Variants in TMEM117 observed in about 807,000 individuals in gnomAD.
TMEM117 encodes the protein transmembrane protein 117.
A neutral mutation model predicts 52.4 loss-of-function variants in TMEM117; 27 were observed. The observed-to-expected ratio is 0.51, with a 90% CI of 0.38 to 0.71. The LOEUF (loss-of-function observed/expected upper bound fraction) is 0.71. TMEM117 is among the 30% of genes least tolerant of loss of function. TMEM117 has a pLI of 0.00. For missense variants in TMEM117, 556 were observed against 630.5 expected, an observed-to-expected ratio of 0.88 and a Z score of 1.26; for synonymous variants, 215 against 206.3, an observed-to-expected ratio of 1.04 and a Z score of -0.36.
At chr12:43,951,409 C>G (rs1945219446) in intron 3 of TMEM117, among the ~76,000 whole-genome samples, 1 of 152,204 alleles carries the variant, frequency 6.6e-6, no homozygotes, top group East Asian at 1.9e-4. Flanking sequence ...ATCCCCATTA[C>G]CAGCACAGCA....
chr12:44,130,437 T>A (rs1201225976), intron 3 of TMEM117, among the ~76,000 whole-genome samples: 2 of 152,192 alleles, frequency 1.3e-5, no homozygotes, highest in East Asian at 3.8e-4. Flanking sequence ...CTAAATAGTT[T>A]TACCACTTAT....
At chr12:43,951,979 G>A (rs1004231979) in intron 3 of TMEM117, among the ~76,000 whole-genome samples, 7 of 152,304 alleles carry the variant, frequency 4.6e-5, no homozygotes, top group Admixed American at 1.3e-4. Context: ...GCCTCCACTG[G>A]TGATAACCCA....
At chr12:43,996,935 G>C (rs577549932) in intron 3 of TMEM117, among the ~76,000 whole-genome samples, 1 of 152,172 alleles carries the variant, frequency 6.6e-6, no homozygotes, top group Non-Finnish European at 1.5e-5. Context: ...AGGAAATTAA[G>C]TTGACAATAT....
intron 3 of TMEM117, among the ~76,000 whole-genome samples, chr12:43,950,959 C>G (rs1350638818): frequency 6.6e-6 from 1 of 152,120 alleles, no homozygotes; most frequent in African/African-American, 2.4e-5. Flanking sequence ...CCAGTTCATC[C>G]TACTGGGACT....
intron 3 of TMEM117, among the ~76,000 whole-genome samples, chr12:44,132,694 C>T (rs1948433777): frequency 6.6e-6 from 1 of 152,114 alleles, no homozygotes; most frequent in Non-Finnish European, 1.5e-5. Flanking sequence ...CATTTCTTCT[C>T]CTACTCTGCA....
At chr12:43,957,471 G>C (rs999124606) in intron 3 of TMEM117, among the ~76,000 whole-genome samples, 3 of 152,172 alleles carry the variant, frequency 2.0e-5, no homozygotes, top group Admixed American at 2.0e-4. Context: ...GAGAAAATGA[G>C]ACATCAATAG....
At chr12:44,251,003 A>G (rs1950190871) in intron 5 of TMEM117, among the ~76,000 whole-genome samples, 1 of 152,166 alleles carries the variant, frequency 6.6e-6, no homozygotes, top group Non-Finnish European at 1.5e-5. Context: ...TTAAAGTAAA[A>G]TAAAATAAAA....
chr12:43,801,572 T>C, the TMEM117 span, among the ~76,000 whole-genome samples: 8 of 152,224 alleles, frequency 5.3e-5, no homozygotes, highest in African/African-American at 1.9e-4. Context: ...AATACTTGTT[T>C]GTATGCAGGC....
intron 2 of TMEM117, among the ~76,000 whole-genome samples, chr12:43,932,381 C>G (rs1343692273): frequency 1.4e-5 from 2 of 147,196 alleles, no homozygotes; most frequent in Non-Finnish European, 3.0e-5. Context: ...TGTTTGAACA[C>G]CTTTCAAATA....
chr12:44,182,534 G>A (rs1004156783), intron 4 of TMEM117, among the ~76,000 whole-genome samples: 3 of 152,084 alleles, frequency 2.0e-5, no homozygotes, highest in African/African-American at 4.8e-5. Flanking sequence ...AATAAATTAG[G>A]TATTGATGGG....
chr12:44,196,460 C>G (rs568770878), intron 4 of TMEM117, among the ~76,000 whole-genome samples: 6 of 152,134 alleles, frequency 3.9e-5, no homozygotes, highest in African/African-American at 1.4e-4. Context: ...TGCTTCAATA[C>G]AGAAAAATAT....
At chr12:43,979,792 T>A (rs1945731076) in intron 3 of TMEM117, among the ~76,000 whole-genome samples, 1 of 152,166 alleles carries the variant, frequency 6.6e-6, no homozygotes, top group Non-Finnish European at 1.5e-5. Flanking sequence ...CTCAACTAAT[T>A]CATGGGCTCG....
chr12:43,976,386 C>G (rs1945670506), intron 3 of TMEM117, among the ~76,000 whole-genome samples: 4 of 151,126 alleles, frequency 2.6e-5, no homozygotes, highest in Admixed American at 2.6e-4. Flanking sequence ...ACTAGGGGCC[C>G]AAGAGAGTTA....
chr12:44,319,057 C>T (rs1160886926), intron 6 of TMEM117, among the ~76,000 whole-genome samples: 1 of 152,174 alleles, frequency 6.6e-6, no homozygotes, highest in Non-Finnish European at 1.5e-5. Flanking sequence ...ACGGGGAGCA[C>T]AATTCCAGCA....
chr12:43,982,833 G>T (rs1276024636), intron 3 of TMEM117, among the ~76,000 whole-genome samples: 1 of 152,166 alleles, frequency 6.6e-6, no homozygotes, highest in Non-Finnish European at 1.5e-5. Context: ...AGCTATCAAA[G>T]ACTTGAGCTA....
At chr12:43,828,673 T>G in the TMEM117 span, among the ~76,000 whole-genome samples, 1 of 152,216 alleles carries the variant, frequency 6.6e-6, no homozygotes, top group Non-Finnish European at 1.5e-5. Flanking sequence ...TCCTCTATTC[T>G]GAGTCCCTGC....
chr12:43,862,362 G>T (rs1483896934), intron 2 of TMEM117, among the ~76,000 whole-genome samples: 3 of 152,102 alleles, frequency 2.0e-5, no homozygotes, highest in African/African-American at 7.2e-5. Flanking sequence ...TAGAGACAGG[G>T]TTTCACCATG....
intron 3 of TMEM117, among the ~76,000 whole-genome samples, chr12:43,991,673 G>A (rs991294809): frequency 3.9e-5 from 6 of 152,110 alleles, no homozygotes; most frequent in Non-Finnish European, 8.8e-5. Context: ...TATATGCTCA[G>A]TAAATATTAG....
chr12:44,041,264 G>C (rs572809126), intron 3 of TMEM117, among the ~76,000 whole-genome samples: 2 of 115,282 alleles, frequency 1.7e-5, no homozygotes, highest in East Asian at 5.2e-4. Flanking sequence ...CCCACAACAG[G>C]CCCCAGTGTG....
Sources: allele counts gnomAD v4.1 joint callset (sites outside exome capture counted in the v4.1 genomes callset), GRCh38; gene constraint gnomAD v4.1.1; transcripts MANE v1.5; gene names NCBI Gene and HGNC (gene_info 2026-07-23, HGNC 2026-07-21).